Variants in UBR4 observed in about 807,000 individuals in gnomAD.
The protein encoded by UBR4 is E3 ubiquitin-protein ligase UBR4.
A neutral mutation model predicts 575.6 loss-of-function variants in UBR4; 124 were observed. The ratio of observed to expected loss-of-function variants is 0.22; its 90% CI spans 0.19 to 0.25. The LOEUF is 0.25. UBR4 is among the 10% of genes least tolerant of loss of function. The pLI is 1.00. For synonymous variants in UBR4, 2,455 were observed against 2,473.7 expected (o/e 0.99, Z 0.22); for missense variants, 4,818 against 6,478.8 (o/e 0.74, Z 8.80).
Position 19,140,214 on chromosome 1 carries a change from A to AT in UBR4, c.8593+573dup, listed in dbSNP as rs11291469. ...TGGTCCAACTCTCTATTCAGGAAAC[A>AT]TTTTTTTTTTTTTAATCAGATTAGG... On this transcript the variant is annotated intron_variant, in intron 58 of 105. Coordinates refer to ENST00000375254, the MANE Select transcript of UBR4 (RefSeq NM_020765.3). 9.0e-4 allele frequency among the ~76,000 whole-genome samples: 134 copies of AT among 149,490 alleles called. 1 individual carries two copies. Among genetic ancestry groups the AT allele is most frequent in the African/African-American group, 2.9e-3 (120 of 40,792 alleles).
At position 19,074,552 on chromosome 1, in the gene UBR4, G is replaced by A; in HGVS notation, c.*280C>T. 2.0e-6 allele frequency: 1 copy of A among 489,726 alleles called. No individual in the cohort carries two copies. Among genetic ancestry groups the A allele is most frequent in the Non-Finnish European group, 3.7e-6 (1 of 268,062 alleles). 30.3% of individuals were successfully genotyped at this position (489,726 alleles called of 1,614,324 possible). On this transcript the variant is annotated 3_prime_UTR_variant, in exon 106 of 106. Coordinates refer to ENST00000375254, the MANE Select transcript of UBR4 (RefSeq NM_020765.3). ...GTCACTTGTTTATTTCTCAAGATGT[G>A]CACACTCAAGTATGAAGCTGGCCGG...
rs550369897 is a variant in UBR4 at position 19,126,380 on chromosome 1, C to T, written c.9438+66G>A. The T allele has an allele frequency of 1.8e-4, 290 of 1,593,810 alleles. 2 individuals are homozygous for T. In the African/African-American group the frequency reaches 2.5e-3, roughly 14 times the overall value. ...CCTCAGCCCCTTGAGCTCTCTGCAC[C>T]GCGAGGAAAGAGAAGAGTGCTCTGA... On this transcript the variant is annotated intron_variant, in intron 64 of 105. Coordinates refer to ENST00000375254, the MANE Select transcript of UBR4 (RefSeq NM_020765.3).
At position 19,117,114 on chromosome 1, in the gene UBR4, T is replaced by A. The variant is rs1050783576; in HGVS notation, c.10823+107A>T. On this transcript the variant is annotated intron_variant, in intron 73 of 105. Coordinates refer to ENST00000375254, the MANE Select transcript of UBR4 (RefSeq NM_020765.3). The surrounding 1 kb of genome is among the most constrained non-coding windows in gnomAD (Gnocchi z 4.0). ...GAATGGAGGGGCCAAGAGGATGTAT[T>A]AGGCCTCTAGGGATGTGCTGCCTTA... is the stretch of plus-strand genomic sequence containing the variant. 2.4e-6 allele frequency: 3 copies of A among 1,230,522 alleles called. No individual in the cohort carries two copies. Among genetic ancestry groups the A allele is most frequent in the Non-Finnish European group, 3.5e-6 (3 of 860,560 alleles). 76.2% of individuals were successfully genotyped at this position (1,230,522 alleles called of 1,614,324 possible).
chr1:19,181,177 G>A (rs565037060), intron 17 of UBR4, among the ~76,000 whole-genome samples: 3 of 151,976 alleles, frequency 2.0e-5, no homozygotes, highest in African/African-American at 4.8e-5. Context: ...CCAGGAGTTC[G>A]AGCAGCCTGG....
At position 19,167,007 on chromosome 1, in the gene UBR4, C is replaced by A; in HGVS notation, c.4109+15G>T. ...GTAGGTCATAGGAAACCTGACTGTT[C>A]TCCATCAGGCTCACCTGTTAGGATC... On this transcript the variant is annotated intron_variant, in intron 29 of 105. Coordinates refer to ENST00000375254, the MANE Select transcript of UBR4 (RefSeq NM_020765.3). 2 of 1,613,904 alleles carry A rather than the reference C, an allele frequency of 1.2e-6. No individual in the cohort carries two copies. The highest frequency in any genetic ancestry group is 1.7e-6 in the Non-Finnish European group (2 of 1,179,762).
intron 102 of UBR4, chr1:19,082,110 GT>G: frequency 3.1e-6 from 1 of 322,220 alleles, no homozygotes; most frequent in Non-Finnish European, 5.7e-6. Context: ...CCCTCTTCCG[GT>G]TTGTCTTCTT....
intron 1 of UBR4, among the ~76,000 whole-genome samples, chr1:19,208,377 G>A (rs924083379): frequency 6.9e-6 from 1 of 144,632 alleles, no homozygotes; most frequent in African/African-American, 2.5e-5. Flanking sequence ...TGAGGCAGGA[G>A]AATGGTGTGA....
intron 87 of UBR4, among the ~76,000 whole-genome samples, chr1:19,103,355 G>A (rs1437777917): frequency 2.0e-5 from 3 of 152,024 alleles, no homozygotes; most frequent in African/African-American, 2.4e-5. Flanking sequence ...ATCTGGGGTC[G>A]GGAGTTCGAG....
chr1:19,173,344 T>A (rs780460919), intron 23 of UBR4, 38 bp from the exon 24 acceptor site: 9 of 1,612,700 alleles, frequency 5.6e-6, no homozygotes, highest in Non-Finnish European at 6.8e-6. Context: ...AGGAGATGAC[T>A]ATAGGCAAAG....
chr1:19,097,373 G>T, intron 90 of UBR4, 93 bp from the exon 91 acceptor site: 1 of 990,576 alleles, frequency 1.0e-6, no homozygotes, highest in Non-Finnish European at 1.4e-6. Context: ...CCCCAGCAAT[G>T]TGGAGAGCCT....
rs1033009693 is a variant in UBR4 at position 19,172,807 on chromosome 1, G to A, written c.3521+57C>T. 1.8e-4 allele frequency: 275 copies of A among 1,532,840 alleles called. 1 individual carries two copies. The highest frequency in any genetic ancestry group is 1.5e-4 in the Admixed American group (9 of 58,964). 95.0% of individuals were successfully genotyped at this position (1,532,840 alleles called of 1,614,324 possible). On this transcript the variant is annotated intron_variant, in intron 25 of 105. Coordinates refer to ENST00000375254, the MANE Select transcript of UBR4 (RefSeq NM_020765.3). ...AAAATGTCAAATTCTGAGTCAATGC[G>A]GGATCTGCACGGAGTGAAGAGTGCA...
rs1270800241 is a variant in UBR4 at position 19,081,962 on chromosome 1, A to G, written c.15009-389T>C. 7 of 593,188 alleles carry G rather than the reference A, an allele frequency of 1.2e-5. No homozygotes were observed. In the East Asian group the frequency reaches 1.9e-4, roughly 16 times the overall value. The allele number at this position is 593,188 out of a possible 1,614,324, so 36.7% of individuals were successfully genotyped here. A position where few individuals can be genotyped will look rare whatever the true frequency, so the allele number is the denominator to read the frequency against. ...GTGACTTGCCCAAAGTCAGCAAGCT[A>G]GTGAGTGATGGGGCCAAAAACATGA... On this transcript the variant is annotated intron_variant, in intron 102 of 105. Coordinates refer to ENST00000375254, the MANE Select transcript of UBR4 (RefSeq NM_020765.3).
intron 90 of UBR4, among the ~76,000 whole-genome samples, chr1:19,099,332 G>A (rs1225982886): frequency 6.6e-6 from 1 of 152,228 alleles, no homozygotes; most frequent in Non-Finnish European, 1.5e-5. Flanking sequence ...TTCAGTTCTT[G>A]GGGTTTGACA....
chr1:19,146,806 G>T lies in UBR4; in HGVS notation c.7804+20C>A, dbSNP rs1295333530. ...ATATGAAGCAGATCTCAGGACCACG[G>T]CCACAGAGGCCAAGTTCACCTGTTT... On this transcript the variant is annotated intron_variant, in intron 52 of 105. Coordinates refer to ENST00000375254, the MANE Select transcript of UBR4 (RefSeq NM_020765.3). 6.2e-7 allele frequency: 1 copy of T among 1,606,386 alleles called. No homozygotes were observed. The highest frequency in any genetic ancestry group is 1.1e-5 in the South Asian group (1 of 89,766).
At position 19,117,554 on chromosome 1, in the gene UBR4, G is replaced by A. The variant is rs112444839; in HGVS notation, c.10630-140C>T. On this transcript the variant is annotated intron_variant, in intron 72 of 105. Coordinates refer to ENST00000375254, the MANE Select transcript of UBR4 (RefSeq NM_020765.3). This position sits in a 1 kb window ranked among gnomAD's most constrained non-coding sequence, Gnocchi z 4.0. ...TTAAAAAATATTTTGTAGAGATGGG[G>A]TCTCACCATCTTGCCCAGGCTGGTC... The A allele has an allele frequency of 5.0e-4, 529 of 1,060,874 alleles. 11 individuals carry two copies. In the South Asian group the frequency reaches 6.7e-3, roughly 13 times the overall value. 65.7% of individuals were successfully genotyped at this position (1,060,874 alleles called of 1,614,324 possible).
rs1026570442 is a variant in UBR4, at chr1:19,110,893, A to G, written c.11802-61T>C. 1.1e-5 allele frequency: 16 copies of G among 1,515,192 alleles called. No homozygotes were observed. In the African/African-American group the frequency reaches 1.9e-4, roughly 18 times the overall value. 93.9% of individuals were successfully genotyped at this position (1,515,192 alleles called of 1,614,324 possible). Reference sequence around the variant, plus strand: ...ACAATCAGGTGTGACACTCCTTTCCACCTGAAGGGGCCCAGGGAAAATGAA... The same window carrying G: ...ACAATCAGGTGTGACACTCCTTTCCGCCTGAAGGGGCCCAGGGAAAATGAA... On this transcript the variant is annotated intron_variant, in intron 78 of 105. Transcript: ENST00000375254. This position sits in a 1 kb window ranked among gnomAD's most constrained non-coding sequence, Gnocchi z 4.5.
At position 19,089,370 on chromosome 1, in the gene UBR4, C is replaced by T. The variant is rs2077301821; in HGVS notation, c.14212-393G>A. Among the ~76,000 whole-genome samples, 1 of 152,162 alleles carries T rather than the reference C, an allele frequency of 6.6e-6. No individual in the cohort carries two copies. Among genetic ancestry groups the T allele is most frequent in the Non-Finnish European group, 1.5e-5 (1 of 68,034 alleles). On this transcript the variant is annotated intron_variant, in intron 97 of 105. Coordinates refer to ENST00000375254, the MANE Select transcript of UBR4 (RefSeq NM_020765.3). This position sits in a 1 kb window ranked among gnomAD's most constrained non-coding sequence, Gnocchi z 4.3. ...TGTGTACTGAGTGGTGAACCAGCAG[C>T]CAGAGCAGGCACTGGACGTTCTCCT...
In UBR4 at chr1:19,100,353, C is replaced by G. The variant is rs770789142; in HGVS notation, c.13221+23G>C. On this transcript the variant is annotated intron_variant, in intron 89 of 105. Transcript: ENST00000375254. The surrounding 1 kb of genome is among the most constrained non-coding windows in gnomAD (Gnocchi z 4.2). ...GGAAGCCCCTAATCGTAAACGTGGG[C>G]AGCACTGTCCTATGGTCATTACCTC... is the stretch of plus-strand genomic sequence containing the variant. 3 of 1,613,212 alleles carry G rather than the reference C, an allele frequency of 1.9e-6. No individual in the cohort carries two copies. Among genetic ancestry groups the G allele is most frequent in the Non-Finnish European group, 2.5e-6 (3 of 1,179,698 alleles).
At chr1:19,132,204 C>T (rs1051420134) in intron 60 of UBR4, among the ~76,000 whole-genome samples, 2 of 151,940 alleles carry the variant, frequency 1.3e-5, no homozygotes, top group African/African-American at 4.8e-5. Flanking sequence ...TTTTTTGAGA[C>T]AGAGTCTCAC....
Sources: allele counts gnomAD v4.1 joint callset (sites outside exome capture counted in the v4.1 genomes callset), GRCh38; gene constraint gnomAD v4.1.1; non-coding constraint Gnocchi (gnomAD v3.1); transcripts MANE v1.5; gene names NCBI Gene and HGNC (gene_info 2026-07-23, HGNC 2026-07-21).